SLC22A3: variants seen among roughly 807,000 people sequenced by gnomAD.
The protein encoded by SLC22A3 is EMT organic cation transporter 3.
SLC22A3 carries 51 observed loss-of-function variants against 59.1 expected under a neutral mutation model. That is an observed-to-expected ratio of 0.86 (90% CI 0.69 to 1.09). The LOEUF is 1.09. Ranked by LOEUF, SLC22A3 falls within the 50% of genes least tolerant of loss-of-function variation. SLC22A3 has a pLI of 0.00. For missense variants in SLC22A3, 711 were observed against 726.3 expected (o/e 0.98, Z 0.24); for synonymous variants, 325 against 292.0 (o/e 1.11, Z -1.15).
intron 5 of SLC22A3, among the ~76,000 whole-genome samples, chr6:160,431,829 A>G (rs1408847772): frequency 6.6e-6 from 1 of 152,238 alleles, no homozygotes; most frequent in Non-Finnish European, 1.5e-5. Context: ...AACAAGTAAC[A>G]GAAAACCAAC....
intron 1 of SLC22A3, among the ~76,000 whole-genome samples, chr6:160,363,617 C>G (rs1475134516): frequency 6.6e-6 from 1 of 152,048 alleles, no homozygotes; most frequent in East Asian, 1.9e-4. Context: ...TGCCCACTCC[C>G]CACAGGACAG....
intron 9 of SLC22A3, among the ~76,000 whole-genome samples, chr6:160,446,355 T>G (rs908655599): frequency 6.6e-6 from 1 of 152,186 alleles, no homozygotes; most frequent in Admixed American, 6.5e-5. Context: ...CGTTTGCCAC[T>G]GCTATAAATA....
intron 5 of SLC22A3, among the ~76,000 whole-genome samples, chr6:160,418,963 T>G (rs1787619184): frequency 6.6e-6 from 1 of 152,176 alleles, no homozygotes; most frequent in South Asian, 2.1e-4. Flanking sequence ...AATTAAACAT[T>G]AGATGTTATA....
At chr6:160,450,677 G>C in intron 10 of SLC22A3, among the ~76,000 whole-genome samples, 1 of 151,970 alleles carries the variant, frequency 6.6e-6, no homozygotes, top group East Asian at 1.9e-4. Flanking sequence ...TTGAAGTAAA[G>C]ACAGGCATAA....
At chr6:160,349,614 C>A (rs905170308) in intron 1 of SLC22A3, among the ~76,000 whole-genome samples, 2 of 152,180 alleles carry the variant, frequency 1.3e-5, no homozygotes, top group African/African-American at 4.8e-5. Flanking sequence ...TTTGGGCAGT[C>A]AGTGCATTTG....
At chr6:160,380,914 C>A (rs143801923) in intron 1 of SLC22A3, among the ~76,000 whole-genome samples, 2 of 152,118 alleles carry the variant, frequency 1.3e-5, no homozygotes, top group African/African-American at 2.4e-5. Flanking sequence ...GCTTCTAGAG[C>A]GAACTGAACC....
chr6:160,434,963 T>C (rs1788284152), intron 5 of SLC22A3, among the ~76,000 whole-genome samples: 1 of 149,340 alleles, frequency 6.7e-6, no homozygotes, highest in Non-Finnish European at 1.5e-5. Context: ...TTATCTTGCA[T>C]CTCCACCATC....
At chr6:160,396,464 G>A (rs1786476128) in intron 1 of SLC22A3, among the ~76,000 whole-genome samples, 2 of 152,122 alleles carry the variant, frequency 1.3e-5, no homozygotes, top group African/African-American at 2.4e-5. Flanking sequence ...TTGGCATACA[G>A]CTGAGAAGGA....
chr6:160,437,048 A>G lies in SLC22A3; in HGVS notation c.1125A>G (p.Ile375Met), dbSNP rs1295483269. The G allele has an allele frequency of 1.9e-6, 3 of 1,614,150 alleles. No homozygotes were observed. The highest frequency in any genetic ancestry group is 2.5e-6 in the Non-Finnish European group (3 of 1,180,012). ...GACTTGTCATGCGCCTGGGAATTAT[A>G]GGGGGCAACCTCTATATAGACTTTT... ...YQGLVMRLGI[I>M]GGNLYIDFFI... The change falls in exon 7 of 11, where the codon ATA becomes ATG. Residue 375 changes from isoleucine to methionine, a missense_variant. Coordinates refer to ENST00000275300, the MANE Select transcript of SLC22A3 (RefSeq NM_021977.4).
chr6:160,438,882 C>T (rs1788444971), intron 7 of SLC22A3, among the ~76,000 whole-genome samples: 1 of 152,096 alleles, frequency 6.6e-6, no homozygotes, highest in East Asian at 1.9e-4. Flanking sequence ...GCAATCCTTG[C>T]AGCTCCTTGG....
At chr6:160,395,417 C>G (rs1449777227) in intron 1 of SLC22A3, among the ~76,000 whole-genome samples, 2 of 152,186 alleles carry the variant, frequency 1.3e-5, no homozygotes, top group African/African-American at 2.4e-5. Flanking sequence ...ATGGATGAAG[C>G]AAATTCTACT....
intron 1 of SLC22A3, 46 bp downstream of exon 1, chr6:160,348,894 C>T: frequency 6.5e-7 from 1 of 1,539,264 alleles, no homozygotes; most frequent in Non-Finnish European, 8.7e-7. Context: ...GAGGACGATG[C>T]TGGCTCCCAG....
chr6:160,413,157 G>A (rs1341407413), intron 5 of SLC22A3, among the ~76,000 whole-genome samples: 1 of 152,192 alleles, frequency 6.6e-6, no homozygotes, highest in East Asian at 1.9e-4. Flanking sequence ...ATGATAGTGA[G>A]TATCACTGAG....
At chr6:160,399,293 C>T (rs1786656594) in intron 2 of SLC22A3, among the ~76,000 whole-genome samples, 2 of 152,230 alleles carry the variant, frequency 1.3e-5, no homozygotes, top group South Asian at 4.2e-4. Flanking sequence ...TTCCTAATTT[C>T]CCCCACATGC....
chr6:160,429,717 C>T (rs1250620924), intron 5 of SLC22A3, among the ~76,000 whole-genome samples: 1 of 152,100 alleles, frequency 6.6e-6, no homozygotes, highest in Non-Finnish European at 1.5e-5. Flanking sequence ...AGGTTGCGTA[C>T]GTGGTATTTG....
chr6:160,381,138 A>T (rs1785781065), intron 1 of SLC22A3, among the ~76,000 whole-genome samples: 1 of 152,178 alleles, frequency 6.6e-6, no homozygotes, highest in Non-Finnish European at 1.5e-5. Flanking sequence ...CAAAGCAGGG[A>T]TAATCTCATT....
chr6:160,375,386 A>G (rs576095378), intron 1 of SLC22A3, among the ~76,000 whole-genome samples: 73 of 152,294 alleles, frequency 4.8e-4, no homozygotes, highest in Non-Finnish European at 9.1e-4. Flanking sequence ...TGCAAAGCAA[A>G]CATAATTTTA....
At chr6:160,364,738 C>G (rs577147586) in intron 1 of SLC22A3, among the ~76,000 whole-genome samples, 2 of 152,280 alleles carry the variant, frequency 1.3e-5, no homozygotes, top group South Asian at 4.2e-4. Context: ...GGGGACTCCC[C>G]AGTTAGGAAA....
intron 10 of SLC22A3, among the ~76,000 whole-genome samples, chr6:160,449,360 A>G (rs1788865505): frequency 6.6e-6 from 1 of 152,170 alleles, no homozygotes; most frequent in Non-Finnish European, 1.5e-5. Context: ...GATTCTTTCT[A>G]ATTTTTTTCT....
Sources: gnomAD v4.1 joint callset for allele counts (sites outside exome capture counted in the v4.1 genomes callset) on GRCh38, gnomAD v4.1.1 for gene constraint, MANE v1.5 for transcripts, NCBI Gene and HGNC (gene_info 2026-07-23, HGNC 2026-07-21) for gene names.